The following KLHL13 variants were observed in gnomAD, a reference collection of about 807,000 sequenced individuals.
KLHL13 encodes kelch-like protein 13.
Under a neutral mutation model 37.1 loss-of-function variants are expected in KLHL13, and 10 were observed. The observed-to-expected ratio is 0.27, with a 90% CI of 0.17 to 0.46. The LOEUF is 0.46. Ranked by LOEUF, KLHL13 falls within the 20% of genes least tolerant of loss-of-function variation. KLHL13 has a pLI of 1.00. For missense variants in KLHL13, 360 were observed against 509.3 expected, an observed-to-expected ratio of 0.71 and a Z score of 2.82; for synonymous variants, 163 against 181.2, an observed-to-expected ratio of 0.90 and a Z score of 0.81.
intron 1 of KLHL13, among the ~76,000 whole-genome samples, chrX:117,952,688 G>T (rs1157077687): frequency 9.1e-6 from 1 of 109,350 alleles, no homozygotes; most frequent in Non-Finnish European, 1.9e-5. Flanking sequence ...AATCTACAAT[G>T]AACTCCAACA....
chrX:118,048,217 C>T (rs1488494194), intron 1 of KLHL13, among the ~76,000 whole-genome samples: 1 of 111,318 alleles, frequency 9.0e-6, no homozygotes, highest in African/African-American at 3.3e-5. Flanking sequence ...ATTTTGTTTT[C>T]ATAATAGGAG....
chrX:118,015,747 C>T (rs767082236), intron 1 of KLHL13, among the ~76,000 whole-genome samples: 9 of 111,625 alleles, frequency 8.1e-5, no homozygotes, highest in South Asian at 7.5e-4. Context: ...ATTTCATGTG[C>T]GTCTACCATA....
intron 2 of KLHL13, among the ~76,000 whole-genome samples, chrX:117,930,346 C>A (rs934433910): frequency 5.9e-5 from 6 of 101,864 alleles, no homozygotes; most frequent in Non-Finnish European, 8.1e-5. Context: ...GGAAGGCAGG[C>A]AGGCAGGCAG....
chrX:118,050,285 T>A (rs1339508667), intron 1 of KLHL13, among the ~76,000 whole-genome samples: 5 of 112,175 alleles, frequency 4.5e-5, no homozygotes, highest in Non-Finnish European at 9.4e-5. Flanking sequence ...GCTCATGGTA[T>A]CATCTGACTC....
intron 1 of KLHL13, among the ~76,000 whole-genome samples, chrX:117,962,853 G>A (rs537814419): frequency 1.8e-4 from 20 of 112,119 alleles, no homozygotes; most frequent in Middle Eastern, 4.6e-3. Context: ...GTAACATTAA[G>A]CAATTAACCT....
intron 1 of KLHL13, among the ~76,000 whole-genome samples, chrX:118,029,690 T>G (rs1473804728): frequency 1.8e-5 from 2 of 112,379 alleles, no homozygotes; most frequent in Non-Finnish European, 3.8e-5. Context: ...TTATGTTGGC[T>G]GGGTGCAGTG....
intron 2 of KLHL13, among the ~76,000 whole-genome samples, chrX:117,923,885 G>A (rs1187348251): frequency 9.0e-6 from 1 of 111,513 alleles, no homozygotes; most frequent in Non-Finnish European, 1.9e-5. Flanking sequence ...ACCTTTCTCA[G>A]TATAATCTGG....
chrX:118,116,830 G>T (rs1486293984), upstream of KLHL13: 2 of 98,406 alleles, frequency 2.0e-5, no homozygotes, highest in Non-Finnish European at 4.1e-5. Context: ...GCTGAGGGAG[G>T]GGGGCGGGAA....
At chrX:118,050,623 T>G (rs751328151) in intron 1 of KLHL13, among the ~76,000 whole-genome samples, 1 of 111,386 alleles carries the variant, frequency 9.0e-6, no homozygotes, top group Non-Finnish European at 1.9e-5. Context: ...TTTTTCCTTA[T>G]TCACCTAATT....
At chrX:118,014,944 G>A (rs1355676460) in intron 1 of KLHL13, among the ~76,000 whole-genome samples, 1 of 112,366 alleles carries the variant, frequency 8.9e-6, no homozygotes, top group East Asian at 2.8e-4. Flanking sequence ...GGGAGGTACA[G>A]ACATGATATA....
At chrX:117,925,777 G>A (rs1243852405) in intron 2 of KLHL13, among the ~76,000 whole-genome samples, 1 of 111,764 alleles carries the variant, frequency 8.9e-6, no homozygotes, top group African/African-American at 3.3e-5. Context: ...TTCTCCAAAC[G>A]ATCACATTGG....
chrX:117,925,485 A>G (rs1163860734), intron 2 of KLHL13, among the ~76,000 whole-genome samples: 2 of 112,155 alleles, frequency 1.8e-5, no homozygotes, highest in African/African-American at 6.5e-5. Flanking sequence ...TAAAAACAAT[A>G]CCAGCCATGT....
At chrX:117,985,398 A>G in intron 1 of KLHL13, 2 of 967,405 alleles carry the variant, frequency 2.1e-6, no homozygotes, top group Non-Finnish European at 1.3e-6. Context: ...TCTGCCTGGT[A>G]CAACACTTCA....
intron 1 of KLHL13, among the ~76,000 whole-genome samples, chrX:118,076,220 A>G (rs189584262): frequency 9.0e-6 from 1 of 111,676 alleles, no homozygotes; most frequent in Admixed American, 9.6e-5. Context: ...ATAAGAAGAG[A>G]ATGTTGTAAT....
chrX:118,088,322 A>G (rs995728651), intron 1 of KLHL13, among the ~76,000 whole-genome samples: 1 of 112,095 alleles, frequency 8.9e-6, no homozygotes, highest in Non-Finnish European at 1.9e-5. Flanking sequence ...CGGTACTGCA[A>G]TAATGTATAC....
chrX:118,096,525 TC>T (rs1352247638), intron 1 of KLHL13, among the ~76,000 whole-genome samples: 1 of 111,519 alleles, frequency 9.0e-6, no homozygotes, highest in Non-Finnish European at 1.9e-5. Flanking sequence ...TACCATTCCT[TC>T]CGAAACTATT....
At position 117,936,572 on chromosome X, in the gene KLHL13, C is replaced by A. The variant is rs144441355; in HGVS notation, c.240+8862G>T. On this transcript the variant is annotated intron_variant, in intron 2 of 6. Coordinates refer to ENST00000262820, the Ensembl canonical transcript of KLHL13. Reference sequence around the variant, plus strand: ...AATAGTCCTGGCAGAAAATAAGTGGCCTCATCCATCTGCCCAATCTTATCC... The same window carrying A: ...AATAGTCCTGGCAGAAAATAAGTGGACTCATCCATCTGCCCAATCTTATCC... Among the ~76,000 whole-genome samples the A allele has an allele frequency of 8.5e-3, 944 of 111,467 alleles. 16 individuals are homozygous for A. The highest frequency in any genetic ancestry group is 0.028 in the African/African-American group (870 of 30,654).
intron 1 of KLHL13, among the ~76,000 whole-genome samples, chrX:118,048,471 C>CT (rs760720900): frequency 1.3e-4 from 15 of 111,417 alleles, no homozygotes; most frequent in Admixed American, 3.8e-4. Flanking sequence ...TCACCTGTAT[C>CT]TTTTTTTGTT....
intron 1 of KLHL13, among the ~76,000 whole-genome samples, chrX:118,104,682 A>G (rs2055326964): frequency 8.9e-6 from 1 of 112,023 alleles, no homozygotes; most frequent in Non-Finnish European, 1.9e-5. Context: ...GGTCTGTGTT[A>G]GACTGAGCAT....
Sources: gnomAD v4.1 joint callset for allele counts (sites outside exome capture counted in the v4.1 genomes callset) on GRCh38, gnomAD v4.1.1 for gene constraint, MANE v1.5 for transcripts, NCBI Gene and HGNC (gene_info 2026-07-23, HGNC 2026-07-21) for gene names.